The following DNAH12 variants were observed in gnomAD, a reference collection of about 807,000 sequenced individuals.
DNAH12 encodes axonemal beta dynein heavy chain 12.
DNAH12 carries 285 observed loss-of-function variants against 371.5 expected under a neutral mutation model. That is an observed-to-expected ratio of 0.77 (90% confidence interval 0.70 to 0.85). The LOEUF is 0.85. DNAH12 is among the 40% of genes least tolerant of loss of function. The pLI is 0.00. For synonymous variants in DNAH12, 1,200 were observed against 1,213.0 expected, an observed-to-expected ratio of 0.99 and a Z score of 0.22; for missense variants, 3,611 against 3,689.4, an observed-to-expected ratio of 0.98 and a Z score of 0.55.
chr3:57,337,233 A>G (rs2062245537), intron 60 of DNAH12, among the ~76,000 whole-genome samples: 1 of 152,228 alleles, frequency 6.6e-6, no homozygotes. Flanking sequence ...CTGGCCAGGC[A>G]CGGTGGCTCA....
chr3:57,520,017 G>A, intron 4 of DNAH12: 1 of 765,820 alleles, frequency 1.3e-6, no homozygotes, highest in Non-Finnish European at 2.2e-6. Context: ...CCATGGTAGC[G>A]CCGCGGAGCC....
chr3:57,354,967 G>A (rs1203505805), intron 59 of DNAH12, among the ~76,000 whole-genome samples: 8 of 152,164 alleles, frequency 5.3e-5, no homozygotes, highest in East Asian at 3.8e-4. Context: ...CAAGGGTTAC[G>A]GAAGGGGTAA....
intron 43 of DNAH12, among the ~76,000 whole-genome samples, chr3:57,399,033 G>A (rs2063801947): frequency 6.6e-6 from 1 of 152,110 alleles, no homozygotes; most frequent in East Asian, 1.9e-4. Flanking sequence ...ACAAAAAATG[G>A]GGGAGGGGTG....
chr3:57,409,838 C>T (rs531761321), intron 39 of DNAH12, among the ~76,000 whole-genome samples: 1 of 152,192 alleles, frequency 6.6e-6, no homozygotes, highest in Non-Finnish European at 1.5e-5. Context: ...GGTGCTATAT[C>T]TTACATGTGA....
chr3:57,504,894 G>A (rs928475383), intron 8 of DNAH12, among the ~76,000 whole-genome samples: 2 of 132,078 alleles, frequency 1.5e-5, no homozygotes, highest in Non-Finnish European at 3.3e-5. Context: ...CTTTTTGTTT[G>A]TTTTGTTTGC....
At chr3:57,330,773 C>T (rs2062077779) in intron 62 of DNAH12, among the ~76,000 whole-genome samples, 1 of 151,630 alleles carries the variant, frequency 6.6e-6, no homozygotes, top group Non-Finnish European at 1.5e-5. Flanking sequence ...GGACCTTTTG[C>T]CAGCAAACTG....
At position 57,491,796 on chromosome 3, in the gene DNAH12, A is replaced by T. The variant is rs868355100; in HGVS notation, c.1336-2109T>A. 1.2e-3 allele frequency among the ~76,000 whole-genome samples: 178 copies of T among 152,142 alleles called. 1 individual carries two copies. The highest frequency in any genetic ancestry group is 4.0e-3 in the African/African-American group (165 of 41,490). On this transcript the variant is annotated intron_variant, in intron 11 of 73. Coordinates refer to ENST00000495027, the MANE Select transcript of DNAH12 (RefSeq NM_001366028.2). Reference sequence around the variant, plus strand: ...TACAAAAAAAAATAATAATTTTTTTAAAATTAGCCAGCCAGCTTGGGCAAC... The same window carrying T: ...TACAAAAAAAAATAATAATTTTTTTTAAATTAGCCAGCCAGCTTGGGCAAC...
intron 65 of DNAH12, among the ~76,000 whole-genome samples, chr3:57,317,052 G>A (rs1020591664): frequency 5.3e-5 from 8 of 152,104 alleles, no homozygotes; most frequent in Non-Finnish European, 1.0e-4. Context: ...CTGTTGCAAG[G>A]CTTATATATT....
intron 7 of DNAH12, 128 bp downstream of exon 7, chr3:57,508,254 C>T: frequency 1.2e-6 from 1 of 823,616 alleles, no homozygotes; most frequent in Non-Finnish European, 1.7e-6. Context: ...AAACAAGATA[C>T]ATTTTTTTAA....
chr3:57,301,657 A>G, intron 70 of DNAH12, 78 bp downstream of exon 70: 2 of 1,473,984 alleles, frequency 1.4e-6, no homozygotes, highest in Non-Finnish European at 9.1e-7. Context: ...TGTATATTTT[A>G]CATATTTATA....
chr3:57,333,721 G>T (rs1011827858), intron 62 of DNAH12, among the ~76,000 whole-genome samples: 2 of 152,182 alleles, frequency 1.3e-5, no homozygotes, highest in African/African-American at 4.8e-5. Context: ...ACAGGTGTTT[G>T]TTGACCCCTG....
At chr3:57,440,026 A>G (rs2065255202) in intron 29 of DNAH12, among the ~76,000 whole-genome samples, 1 of 152,242 alleles carries the variant, frequency 6.6e-6, no homozygotes, top group South Asian at 2.1e-4. Context: ...GTTAAGAACA[A>G]CAGATGCTGG....
At chr3:57,469,477 C>T (rs541205871) in intron 16 of DNAH12, among the ~76,000 whole-genome samples, 1 of 152,316 alleles carries the variant, frequency 6.6e-6, no homozygotes, top group Admixed American at 6.5e-5. Context: ...AATCCCATTA[C>T]TGGGTATATA....
intron 55 of DNAH12, among the ~76,000 whole-genome samples, chr3:57,372,283 A>AT (rs1210423598): frequency 2.2e-4 from 34 of 151,916 alleles, no homozygotes; most frequent in African/African-American, 7.5e-4. Flanking sequence ...GTTTTAAAAG[A>AT]TTTTTTTTAG....
chr3:57,328,168 T>C (rs2061996250), intron 62 of DNAH12, among the ~76,000 whole-genome samples: 1 of 148,598 alleles, frequency 6.7e-6, no homozygotes, highest in Non-Finnish European at 1.5e-5. Flanking sequence ...CTGAAACTAT[T>C]CCAATCAATA....
chr3:57,508,323 G>C (rs903175661), intron 7 of DNAH12, 59 bp downstream of exon 7: 3 of 1,442,082 alleles, frequency 2.1e-6, no homozygotes, highest in Non-Finnish European at 2.7e-6. Context: ...AAATTATACA[G>C]TCAAAAATAT....
intron 9 of DNAH12, among the ~76,000 whole-genome samples, chr3:57,503,014 C>T (rs561660288): frequency 6.6e-6 from 1 of 152,260 alleles, no homozygotes; most frequent in East Asian, 1.9e-4. Flanking sequence ...TTAAAACATT[C>T]TTTTCAGATT....
intron 32 of DNAH12, among the ~76,000 whole-genome samples, chr3:57,432,342 T>TC: frequency 6.6e-6 from 1 of 150,516 alleles, no homozygotes; most frequent in East Asian, 2.0e-4. Context: ...GCTAATTTTT[T>TC]TTTTTTTTTT....
At position 57,375,853 on chromosome 3, in the gene DNAH12, G is replaced by T. The variant is rs1254270600; in HGVS notation, c.8578C>A (p.Gln2860Lys). 6.6e-6 allele frequency: 1 copy of T among 152,080 alleles called. No individual in the cohort carries two copies. The highest frequency in any genetic ancestry group is 1.5e-5 in the Non-Finnish European group (1 of 68,002). 9.4% of individuals were successfully genotyped at this position (152,080 alleles called of 1,614,324 possible). Residue 2860 changes from glutamine to lysine, a missense_variant, in exon 54 of 74, where the codon CAA (glutamine) becomes AAA (lysine). Physicochemically the swap from Gln to Lys is moderately conservative, Grantham distance 53 (BLOSUM62 1). Coordinates refer to ENST00000495027, the MANE Select transcript of DNAH12 (RefSeq NM_001366028.2). ...YLGAFTSGFR[Q>K]TCTKDWSMLC... ...ATGCTCCAATCTTTTGTACATGTTT[G>T]TCGAAAGCCAGAAGTGAAAGCACCA...
Sources: gnomAD v4.1 joint callset for allele counts (sites outside exome capture counted in the v4.1 genomes callset) on GRCh38, gnomAD v4.1.1 for gene constraint, MANE v1.5 for transcripts, NCBI Gene and HGNC (gene_info 2026-07-23, HGNC 2026-07-21) for gene names.